TMIGD3: variants seen among roughly 807,000 people sequenced by gnomAD.
TMIGD3 encodes AD026 protein (AD026).
In TMIGD3, 21 loss-of-function variants were observed where a neutral mutation model predicts 28.1. The ratio of observed to expected loss-of-function variants is 0.75; its 90% CI spans 0.53 to 1.08. The LOEUF (loss-of-function observed/expected upper bound fraction) is 1.08, where lower values mean the gene tolerates loss of function less well. Among genes scored for constraint, TMIGD3 ranks in the 50% least tolerant of loss-of-function variants. TMIGD3 has a pLI of 0.00. For missense variants in TMIGD3, 416 were observed against 435.6 expected (o/e 0.96, Z 0.40); for synonymous variants, 151 against 162.1 (o/e 0.93, Z 0.52).
At chr1:111,563,836 T>C in intron 1 of TMIGD3, 1 of 1,609,296 alleles carries the variant, frequency 6.2e-7, no homozygotes, top group Non-Finnish European at 8.5e-7. Flanking sequence ...TATTTTCTGC[T>C]ATGACTCACT....
chr1:111,549,745 C>G (rs1657185752), intron 1 of TMIGD3, among the ~76,000 whole-genome samples: 1 of 151,994 alleles, frequency 6.6e-6, no homozygotes, highest in Non-Finnish European at 1.5e-5. Flanking sequence ...AACTTCTGGA[C>G]TCAGGAGATC....
intron 3 of TMIGD3, among the ~76,000 whole-genome samples, chr1:111,488,227 CT>C (rs200086679): frequency 1.6e-3 from 225 of 143,794 alleles, no homozygotes; most frequent in Middle Eastern, 3.6e-3. Flanking sequence ...GGCACACAGA[CT>C]TTTTTTTTTT....
intron 3 of TMIGD3, 135 bp downstream of exon 3, chr1:111,488,540 AAG>A: frequency 1.4e-6 from 1 of 720,346 alleles, no homozygotes; most frequent in Non-Finnish European, 2.3e-6. Flanking sequence ...TTGCCGGAGG[AAG>A]AGAGAGGCCA....
At chr1:111,506,608 C>A (rs1655497214), upstream of TMIGD3, among the ~76,000 whole-genome samples, 1 of 152,160 alleles carries the variant, frequency 6.6e-6, no homozygotes, top group African/African-American at 2.4e-5. Context: ...ACTCTACAAA[C>A]CTTTCAAAAG....
chr1:111,510,843 T>C (rs931577668), intron 1 of TMIGD3, among the ~76,000 whole-genome samples: 2 of 152,146 alleles, frequency 1.3e-5, no homozygotes, highest in Non-Finnish European at 2.9e-5. Flanking sequence ...GGGGTGAGGA[T>C]TTTTTTCTCC....
At chr1:111,497,475 C>T (rs1654945484) in intron 1 of TMIGD3, among the ~76,000 whole-genome samples, 1 of 152,172 alleles carries the variant, frequency 6.6e-6, no homozygotes, top group South Asian at 2.1e-4. Flanking sequence ...AAGCTCCTCA[C>T]CAGTGATTCT....
chr1:111,555,224 A>C (rs959497827), intron 1 of TMIGD3, among the ~76,000 whole-genome samples: 1 of 151,688 alleles, frequency 6.6e-6, no homozygotes, highest in African/African-American at 2.4e-5. Context: ...AAACTAGCTG[A>C]GTGTGGTGGT....
At chr1:111,514,590 C>T (rs373912867) in intron 1 of TMIGD3, among the ~76,000 whole-genome samples, 102 of 151,848 alleles carry the variant, frequency 6.7e-4, no homozygotes, top group Non-Finnish European at 1.1e-3. Flanking sequence ...CTGAACCATA[C>T]CCAGAACCGC....
chr1:111,558,417 G>T (rs1657594394), intron 1 of TMIGD3, among the ~76,000 whole-genome samples: 1 of 151,958 alleles, frequency 6.6e-6, no homozygotes, highest in Non-Finnish European at 1.5e-5. Flanking sequence ...GAACTCCTGG[G>T]CTCAAGCAAT....
At chr1:111,520,950 T>C (rs1163459380) in intron 1 of TMIGD3, among the ~76,000 whole-genome samples, 1 of 152,238 alleles carries the variant, frequency 6.6e-6, no homozygotes, top group African/African-American at 2.4e-5. Context: ...ACAGTCAAGA[T>C]AATAAATATG....
Position 111,488,817 on chromosome 1 carries a change from A to T in TMIGD3, c.665T>A (p.Met222Lys). ...CGTGTCCTCTTTGGTCAGGCAGGACATAGTGACAATGAGCTGGTTCCCTGT... is the reference window on the plus strand; with the variant it reads ...CGTGTCCTCTTTGGTCAGGCAGGACTTAGTGACAATGAGCTGGTTCCCTGT... ...RDTGNQLIVT[M>K]SCLTKEDTGW... is the part of the protein sequence containing the mutation. Residue 222 changes from methionine to lysine, a missense_variant, in exon 3 of 6, where the codon ATG (methionine) becomes AAG (lysine). Physicochemically the swap from Met to Lys is moderately conservative, Grantham distance 95. Transcript: ENST00000369716. The T allele has an allele frequency of 6.2e-7, 1 of 1,614,254 alleles. No homozygotes were observed. Among genetic ancestry groups the T allele is most frequent in the Non-Finnish European group, 8.5e-7 (1 of 1,180,044 alleles).
At chr1:111,557,117 G>C (rs1391573598) in intron 1 of TMIGD3, among the ~76,000 whole-genome samples, 1 of 151,890 alleles carries the variant, frequency 6.6e-6, no homozygotes, top group African/African-American at 2.4e-5. Context: ...TAGTTAGAAA[G>C]ATATTACCTA....
intron 1 of TMIGD3, among the ~76,000 whole-genome samples, chr1:111,517,135 A>G (rs1655897640): frequency 6.6e-6 from 1 of 152,230 alleles, no homozygotes; most frequent in East Asian, 1.9e-4. Context: ...ACACATGCAC[A>G]CACTAGCCTC....
chr1:111,499,491 C>G (rs1655048716), intron 1 of TMIGD3: 1 of 998,256 alleles, frequency 1.0e-6, no homozygotes, highest in African/African-American at 1.7e-5. Context: ...TTAAGTCCCC[C>G]TTAAACTCAG....
chr1:111,532,019 C>T (rs1371290298), intron 1 of TMIGD3, among the ~76,000 whole-genome samples: 1 of 152,172 alleles, frequency 6.6e-6, no homozygotes, highest in Non-Finnish European at 1.5e-5. Context: ...GAGACAATAC[C>T]TAAGTATTCT....
chr1:111,517,045 TCTCTCA>T (rs573830470), intron 1 of TMIGD3, among the ~76,000 whole-genome samples: 234 of 152,250 alleles, frequency 1.5e-3, no homozygotes, highest in African/African-American at 5.2e-3. Flanking sequence ...CATCCCACAC[TCTCTCA>T]CTCTCACTCT....
chr1:111,544,309 T>G lies in TMIGD3; in HGVS notation c.107+19537A>C, dbSNP rs535785766. Among the ~76,000 whole-genome samples the G allele has an allele frequency of 7.9e-5, 12 of 152,318 alleles. No homozygotes were observed. In the South Asian group the frequency reaches 1.4e-3, roughly 18 times the overall value. On this transcript the variant is annotated intron_variant, in intron 1 of 5. Transcript: ENST00000369717. Reference sequence around the variant, plus strand: ...TCAGTAATTTTTAGTATATTCACAATGTTGTACAACCATCACTACTATCCA... The same window carrying G: ...TCAGTAATTTTTAGTATATTCACAAGGTTGTACAACCATCACTACTATCCA...
At position 111,488,858 on chromosome 1, in the gene TMIGD3, A is replaced by C. The variant is rs1170330215; in HGVS notation, c.624T>G (p.His208Gln). The part of the protein sequence containing the change: ...IIAFSPNSTN[H>Q]VALRDTGNQL... ...GGTTCCCTGTGTCCCTCAGGGCCACATGATTGGTGCTGTTAGGGGAGAAGG... is the reference window on the plus strand; with the variant it reads ...GGTTCCCTGTGTCCCTCAGGGCCACCTGATTGGTGCTGTTAGGGGAGAAGG... Residue 208 changes from histidine (H) to glutamine (Q), a missense_variant, in exon 3 of 6, where the codon CAT (histidine) becomes CAG (glutamine). His to Gln is a conservative substitution (Grantham distance 24, BLOSUM62 0). Transcript: ENST00000369716. The C allele has an allele frequency of 6.2e-7, 1 of 1,614,110 alleles. No homozygotes were observed. Among genetic ancestry groups the C allele is most frequent in the Non-Finnish European group, 8.5e-7 (1 of 1,180,050 alleles).
chr1:111,489,644 C>T, intron 2 of TMIGD3: 4 of 1,135,500 alleles, frequency 3.5e-6, no homozygotes, highest in Non-Finnish European at 4.4e-6. Context: ...TGACGGAGGG[C>T]CTTGAAGAGC....
Sources: gnomAD v4.1 joint callset for allele counts (sites outside exome capture counted in the v4.1 genomes callset) on GRCh38, gnomAD v4.1.1 for gene constraint, MANE v1.5 for transcripts, NCBI Gene and HGNC (gene_info 2026-07-23, HGNC 2026-07-21) for gene names.